The following TMPRSS15 variants were observed in gnomAD, a reference collection of about 807,000 sequenced individuals.
TMPRSS15 encodes enteropeptidase.
In TMPRSS15, 128 loss-of-function variants were observed where a neutral mutation model predicts 125.3. The observed-to-expected ratio is 1.02, with a 90% CI of 0.89 to 1.18. The LOEUF is 1.18. Ranked by LOEUF, TMPRSS15 falls within the 50% of genes most tolerant of loss-of-function variation. The probability of loss-of-function intolerance (pLI) is 0.00; values close to 1 mark genes in which losing one functional copy is unlikely to be tolerated. For synonymous variants in TMPRSS15, 446 were observed against 423.2 expected, an observed-to-expected ratio of 1.05 and a Z score of -0.66; for missense variants, 1,283 against 1,212.7, an observed-to-expected ratio of 1.06 and a Z score of -0.86.
chr21:18,375,025 C>A (rs2075829767), intron 5 of TMPRSS15, among the ~76,000 whole-genome samples: 1 of 152,106 alleles, frequency 6.6e-6, no homozygotes, highest in African/African-American at 2.4e-5. Context: ...AAACTTGAGT[C>A]TAGTTGGAAG....
intron 1 of TMPRSS15, among the ~76,000 whole-genome samples, chr21:18,431,576 T>A (rs1007791964): frequency 5.3e-5 from 8 of 152,280 alleles, no homozygotes; most frequent in Admixed American, 2.0e-4. Flanking sequence ...TAAATTATTG[T>A]ATATATTTTT....
At chr21:18,441,201 G>C (rs2076240582) in intron 1 of TMPRSS15, among the ~76,000 whole-genome samples, 1 of 151,856 alleles carries the variant, frequency 6.6e-6, no homozygotes, top group Admixed American at 6.6e-5. Flanking sequence ...GCTGAGACAG[G>C]AGAATCGCTT....
chr21:18,296,337 A>G (rs1298055853), intron 19 of TMPRSS15, among the ~76,000 whole-genome samples: 1 of 152,162 alleles, frequency 6.6e-6, no homozygotes, highest in African/African-American at 2.4e-5. Context: ...TAAATAATAA[A>G]TGCATAAATA....
chr21:18,372,354 A>G (rs930517278), intron 5 of TMPRSS15, 30 bp from the exon 6 acceptor site: 4 of 1,605,814 alleles, frequency 2.5e-6, no homozygotes, highest in East Asian at 2.2e-5. Context: ...TTAATTTCCA[A>G]TTGATGAGAT....
intron 1 of TMPRSS15, among the ~76,000 whole-genome samples, chr21:18,473,466 T>C (rs1271161801): frequency 2.0e-5 from 3 of 152,098 alleles, no homozygotes; most frequent in Non-Finnish European, 4.4e-5. Context: ...AATATATGAA[T>C]GAACAGGCAA....
intron 22 of TMPRSS15, among the ~76,000 whole-genome samples, chr21:18,279,388 C>G (rs894480645): frequency 1.6e-5 from 2 of 127,140 alleles, no homozygotes; most frequent in Non-Finnish European, 3.1e-5. Flanking sequence ...TGCAGTGGTG[C>G]GATCTCAGCT....
At chr21:18,296,638 A>C (rs1329498072) in intron 19 of TMPRSS15, among the ~76,000 whole-genome samples, 2 of 152,156 alleles carry the variant, frequency 1.3e-5, no homozygotes, top group Non-Finnish European at 2.9e-5. Flanking sequence ...TTTTCTTACA[A>C]ATTTTTAAAT....
Position 18,366,237 on chromosome 21 carries a change from G to T in TMPRSS15, c.665-989C>A, listed in dbSNP as rs1013838249. ...CAAAGTGCTATGTTTTCTTGAAAAAGATTAGAATAAGGCCAGGAAAATGTT... is the reference window on the plus strand; with the variant it reads ...CAAAGTGCTATGTTTTCTTGAAAAATATTAGAATAAGGCCAGGAAAATGTT... On this transcript the variant is annotated intron_variant, in intron 6 of 24. Coordinates refer to ENST00000284885, the MANE Select transcript of TMPRSS15 (RefSeq NM_002772.3). Among the ~76,000 whole-genome samples, 6 of 152,134 alleles carry T rather than the reference G, an allele frequency of 3.9e-5. No individual in the cohort carries two copies. In the South Asian group the frequency reaches 8.3e-4, roughly 21 times the overall value.
intron 1 of TMPRSS15, among the ~76,000 whole-genome samples, chr21:18,451,425 C>T (rs750640460): frequency 6.6e-6 from 1 of 151,708 alleles, no homozygotes; most frequent in African/African-American, 2.4e-5. Context: ...AAACCAGTCA[C>T]GATTTTGTGC....
At chr21:18,457,759 T>C (rs1978470392) in intron 1 of TMPRSS15, among the ~76,000 whole-genome samples, 1 of 152,110 alleles carries the variant, frequency 6.6e-6, no homozygotes, top group Non-Finnish European at 1.5e-5. Flanking sequence ...GGATATTTGT[T>C]GGTAAGAAGG....
intron 1 of TMPRSS15, among the ~76,000 whole-genome samples, chr21:18,479,451 G>A (rs2123290233): frequency 6.6e-6 from 1 of 151,964 alleles, no homozygotes; most frequent in South Asian, 2.1e-4. Context: ...ATAGTCAATA[G>A]GATAGTTCTG....
intron 7 of TMPRSS15, among the ~76,000 whole-genome samples, chr21:18,361,845 GCTGTAAGGGAGATAA>G (rs1334228824): frequency 6.6e-6 from 1 of 151,198 alleles, no homozygotes; most frequent in African/African-American, 2.4e-5. Context: ...ACTGGTGTTT[GCTGTAAGGGAGATAA>G]AGTTAGAGTG....
chr21:18,388,512 G>C (rs898158797), intron 3 of TMPRSS15, among the ~76,000 whole-genome samples: 2 of 152,082 alleles, frequency 1.3e-5, no homozygotes, highest in African/African-American at 4.8e-5. Context: ...AACATAAAGG[G>C]TTCCATTAGC....
intron 1 of TMPRSS15, among the ~76,000 whole-genome samples, chr21:18,408,834 T>A (rs114658589): frequency 0.011 from 1,631 of 152,228 alleles, 29 homozygotes; most frequent in African/African-American, 0.037. Context: ...ATTTTTTTGA[T>A]CCTTGAAAAA....
rs1243893864 is a variant in TMPRSS15 at position 18,446,079 on chromosome 21, C to CT, written c.10+39719dup. 1.1e-4 allele frequency among the ~76,000 whole-genome samples: 16 copies of CT among 152,186 alleles called. 1 individual carries two copies. The highest frequency in any genetic ancestry group is 2.0e-4 in the Admixed American group (3 of 15,284). ...AAAACCTCAAGACTCAACCAAACCA[C>CT]TGTTAGAAGTGATAAGCAAATTCAA... is the stretch of plus-strand genomic sequence containing the variant. On this transcript the variant is annotated intron_variant, in intron 1 of 7. Coordinates refer to the TMPRSS15 transcript ENST00000422787.
intron 23 of TMPRSS15, among the ~76,000 whole-genome samples, chr21:18,276,198 T>C (rs566318876): frequency 1.2e-4 from 18 of 152,286 alleles, no homozygotes; most frequent in Admixed American, 1.1e-3. Flanking sequence ...AAAAGTGTGT[T>C]CGTGCACACG....
In TMPRSS15 at chr21:18,416,095, AATACTT is replaced by A. The variant is rs555429689; in HGVS notation, c.11-17772_11-17767del. The stretch of plus-strand genomic sequence containing the variant: ...TATTTAGAAATAAGCGTGGGGGTGA[AATACTT>A]ATACAATGAAAACTGCAAAACATTG... On this transcript the variant is annotated intron_variant, in intron 1 of 7. Coordinates refer to the TMPRSS15 transcript ENST00000422787. 4.1e-3 allele frequency among the ~76,000 whole-genome samples: 617 copies of A among 152,154 alleles called. 9 individuals are homozygous for A. Among genetic ancestry groups the A allele is most frequent in the Middle Eastern group, 0.024 (7 of 294 alleles).
At chr21:18,308,000 C>T (rs1388962737) in intron 18 of TMPRSS15, among the ~76,000 whole-genome samples, 5 of 152,070 alleles carry the variant, frequency 3.3e-5, no homozygotes, top group African/African-American at 7.2e-5. Flanking sequence ...CCCAGTCATC[C>T]GGGGCACTTG....
chr21:18,348,356 C>G (rs1203803603), intron 10 of TMPRSS15, among the ~76,000 whole-genome samples: 5 of 152,042 alleles, frequency 3.3e-5, no homozygotes, highest in Non-Finnish European at 7.4e-5. Flanking sequence ...AATTAAAAAG[C>G]AAAACTTCTG....
Sources: gnomAD v4.1 joint callset for allele counts (sites outside exome capture counted in the v4.1 genomes callset) on GRCh38, gnomAD v4.1.1 for gene constraint, MANE v1.5 for transcripts, NCBI Gene and HGNC (gene_info 2026-07-23, HGNC 2026-07-21) for gene names.